Variants in MRAP observed in about 807,000 individuals in gnomAD.
MRAP encodes the protein melanocortin-2 receptor accessory protein.
A neutral mutation model predicts 8.7 loss-of-function variants in MRAP; 8 were observed. The ratio of observed to expected loss-of-function variants is 0.92; its 90% confidence interval spans 0.54 to 1.66. MRAP has a LOEUF of 1.66. Among genes scored for constraint, MRAP ranks in the 40% most tolerant of loss-of-function variants. MRAP has a pLI of 0.00. For synonymous variants in MRAP, 95 were observed against 95.5 expected, an observed-to-expected ratio of 1.00 and a Z score of 0.03; for missense variants, 237 against 217.1, an observed-to-expected ratio of 1.09 and a Z score of -0.58.
At chr21:32,292,339 C>T (rs2032064210) in intron 1 of MRAP, among the ~76,000 whole-genome samples, 1 of 152,180 alleles carries the variant, frequency 6.6e-6, no homozygotes, top group African/African-American at 2.4e-5. Context: ...ATTAATTATG[C>T]TTTCTCACTG....
upstream of MRAP, among the ~76,000 whole-genome samples, chr21:32,297,042 T>C (rs1361851860): frequency 6.6e-6 from 1 of 152,250 alleles, no homozygotes; most frequent in Non-Finnish European, 1.5e-5. Context: ...TGACCACTGT[T>C]CTATATGGAG....
At chr21:32,293,869 T>A (rs561207523), upstream of MRAP, among the ~76,000 whole-genome samples, 15 of 152,276 alleles carry the variant, frequency 9.9e-5, no homozygotes, top group African/African-American at 1.7e-4. Flanking sequence ...AACATTTTTT[T>A]AAATTGTTTT....
upstream of MRAP, among the ~76,000 whole-genome samples, chr21:32,293,978 A>C (rs2032096232): frequency 6.6e-6 from 1 of 152,144 alleles, no homozygotes; most frequent in African/African-American, 2.4e-5. Flanking sequence ...CAGACAAATA[A>C]ATTCAACTTA....
At chr21:32,314,187 ATTTT>A (rs902871538), downstream of MRAP, 1 of 192,880 alleles carries the variant, frequency 5.2e-6, no homozygotes, top group Non-Finnish European at 1.1e-5. Flanking sequence ...AACAAACTTT[ATTTT>A]TTTATTTTTT....
chr21:32,306,396 TAACA>T (rs563104571), intron 1 of MRAP: 494 of 529,972 alleles, frequency 9.3e-4, no homozygotes, highest in Middle Eastern at 1.6e-3. Context: ...TGTTTCCTCT[TAACA>T]ATCACCCTAA....
chr21:32,310,105 C>T (rs912272892), intron 2 of MRAP, among the ~76,000 whole-genome samples: 4 of 152,280 alleles, frequency 2.6e-5, no homozygotes, highest in Non-Finnish European at 4.4e-5. Context: ...TGGTCTGGTC[C>T]GGCAAGCCCA....
intron 1 of MRAP, among the ~76,000 whole-genome samples, chr21:32,305,851 G>T (rs1568798646): frequency 6.6e-6 from 1 of 151,808 alleles, no homozygotes; most frequent in Non-Finnish European, 1.5e-5. Context: ...ATAGCAACTG[G>T]CCTAACATTC....
chr21:32,311,603 G>A (rs1262886796), intron 2 of MRAP, 81 bp from the exon 3 acceptor site: 1 of 1,545,930 alleles, frequency 6.5e-7, no homozygotes, highest in Admixed American at 1.9e-5. Flanking sequence ...TGGCAGGTGT[G>A]GCAGGAAACC....
intron 1 of MRAP, among the ~76,000 whole-genome samples, chr21:32,299,815 C>T (rs1223063083): frequency 6.6e-6 from 1 of 152,178 alleles, no homozygotes; most frequent in Non-Finnish European, 1.5e-5. Flanking sequence ...TACGTTTAAT[C>T]TTCATAGTCT....
rs951991058 is a variant in MRAP at position 32,304,657 on chromosome 21, AAACAAAAC to A, written c.107-1980_107-1973del. Among the ~76,000 whole-genome samples, 195 of 52,902 alleles carry A rather than the reference AAACAAAAC, an allele frequency of 3.7e-3. 1 individual carries two copies. Among genetic ancestry groups the A allele is most frequent in the Middle Eastern group, 0.013 (1 of 78 alleles). 34.7% of individuals were successfully genotyped at this position (52,902 alleles called of 152,430 possible). On this transcript the variant is annotated intron_variant, in intron 1 of 2. Coordinates refer to ENST00000303645, the MANE Select transcript of MRAP (RefSeq NM_001379228.1). ...AAAAAACAAAACAAAACAAACAAAC[AAACAAAAC>A]AAACCAAAAAAACTCCTTTTAAGCT...
Position 32,312,247 on chromosome 21 carries a change from A to C in MRAP, c.*251A>C. 1 of 1,418,368 alleles carries C rather than the reference A, an allele frequency of 7.1e-7. No individual in the cohort carries two copies. The highest frequency in any genetic ancestry group is 2.6e-5 in the East Asian group (1 of 38,408). 87.9% of individuals were successfully genotyped at this position (1,418,368 alleles called of 1,614,324 possible). A position where few individuals can be genotyped will look rare whatever the true frequency, so the allele number is the denominator to read the frequency against. ...GCTTGCTTACTGCTTATATTTGCTC[A>C]GGGAAGAGTAGGAAAATAAAATATA... On this transcript the variant is annotated 3_prime_UTR_variant, in exon 3 of 3. Transcript: ENST00000303645.
upstream of MRAP, among the ~76,000 whole-genome samples, chr21:32,298,104 C>A (rs986110642): frequency 1.3e-5 from 2 of 152,206 alleles, no homozygotes; most frequent in African/African-American, 4.8e-5. Context: ...CTGCTCATTC[C>A]AGATGTTCAG....
Position 32,312,256 on chromosome 21 carries a change from T to C in MRAP, c.*260T>C. The C allele has an allele frequency of 7.1e-7, 1 of 1,410,062 alleles. No homozygotes were observed. Among genetic ancestry groups the C allele is most frequent in the Non-Finnish European group, 9.2e-7 (1 of 1,084,358 alleles). The allele number at this position is 1,410,062 out of a possible 1,614,324, so 87.3% of individuals were successfully genotyped here. A position where few individuals can be genotyped will look rare whatever the true frequency, so the allele number is the denominator to read the frequency against. On this transcript the variant is annotated 3_prime_UTR_variant, in exon 3 of 3. Coordinates refer to ENST00000303645, the MANE Select transcript of MRAP (RefSeq NM_001379228.1). ...CTGCTTATATTTGCTCAGGGAAGAG[T>C]AGGAAAATAAAATATATGCAAATCA...
chr21:32,312,749 C>G (rs941759374), downstream of MRAP: 8 of 152,802 alleles, frequency 5.2e-5, no homozygotes, highest in African/African-American at 1.9e-4. Context: ...GGAGAGGAGA[C>G]AGCATCACAC....
chr21:32,302,930 C>T (rs1447244558), intron 1 of MRAP, among the ~76,000 whole-genome samples: 1 of 151,290 alleles, frequency 6.6e-6, no homozygotes, highest in Non-Finnish European at 1.5e-5. Context: ...GACGGAAGCA[C>T]ACAAGGGCTG....
intron 2 of MRAP, among the ~76,000 whole-genome samples, chr21:32,310,246 T>C (rs1381782802): frequency 6.6e-6 from 1 of 152,104 alleles, no homozygotes; most frequent in Non-Finnish European, 1.5e-5. Flanking sequence ...CTCAAGGCAC[T>C]TGGTAACATT....
At chr21:32,299,492 G>A (rs946726272) in intron 1 of MRAP, among the ~76,000 whole-genome samples, 7 of 151,910 alleles carry the variant, frequency 4.6e-5, no homozygotes, top group Admixed American at 6.6e-5. Flanking sequence ...ATGCTACCAC[G>A]CCTGGTTAAT....
chr21:32,298,433 C>T (rs933478066), upstream of MRAP, among the ~76,000 whole-genome samples: 1 of 152,168 alleles, frequency 6.6e-6, no homozygotes, highest in African/African-American at 2.4e-5. Context: ...AAGTTCACGG[C>T]TGGCATCACT....
At chr21:32,306,957 G>GT in intron 2 of MRAP, 1 of 602,308 alleles carries the variant, frequency 1.7e-6, no homozygotes, top group Non-Finnish European at 3.0e-6. Context: ...TCAGTGCTCA[G>GT]TATGTTGCAG....
Sources: allele counts gnomAD v4.1 joint callset (sites outside exome capture counted in the v4.1 genomes callset), GRCh38; gene constraint gnomAD v4.1.1; transcripts MANE v1.5; gene names NCBI Gene and HGNC (gene_info 2026-07-23, HGNC 2026-07-21).